PCDHGB5: variants seen among roughly 807,000 people sequenced by gnomAD.
PCDHGB5 encodes the protein protocadherin gamma subfamily B, 5.
PCDHGB5 carries 48 observed loss-of-function variants against 62.9 expected under a neutral mutation model. The observed-to-expected ratio is 0.76, with a 90% CI of 0.61 to 0.97. The LOEUF (loss-of-function observed/expected upper bound fraction) is 0.97, where lower values mean the gene tolerates loss of function less well. Among genes scored for constraint, PCDHGB5 ranks in the 50% least tolerant of loss-of-function variants. The pLI is 0.00. For missense variants in PCDHGB5, 1,118 were observed against 1,198.6 expected, an observed-to-expected ratio of 0.93 and a Z score of 0.99; for synonymous variants, 474 against 511.2, an observed-to-expected ratio of 0.93 and a Z score of 0.98.
rs141605264 is a variant in PCDHGB5, at chr5:141,479,755, A to C, written c.2398-15052A>C. The C allele has an allele frequency of 2.6e-3, 390 of 152,364 alleles. 2 individuals are homozygous for C. The highest frequency in any genetic ancestry group is 9.1e-3 in the African/African-American group (378 of 41,580). 9.4% of individuals were successfully genotyped at this position (152,364 alleles called of 1,614,324 possible). On this transcript the variant is annotated intron_variant, in intron 1 of 3. Coordinates refer to ENST00000617380, the MANE Select transcript of PCDHGB5 (RefSeq NM_018925.3). ...AGTATATGCACAATGTGAAAGGTAG[A>C]TAAATTCATATCCTTAGACAGGTAA...
intron 1 of PCDHGB5, among the ~76,000 whole-genome samples, chr5:141,444,225 G>A (rs1307884592): frequency 8.0e-6 from 1 of 125,604 alleles, no homozygotes; most frequent in African/African-American, 3.1e-5. Context: ...AGGCTGGAGT[G>A]CAATGGCATG....
chr5:141,481,913 C>CAAAAAAAAAAAAA (rs34114744), intron 1 of PCDHGB5, among the ~76,000 whole-genome samples: 1 of 90,852 alleles, frequency 1.1e-5, no homozygotes. Flanking sequence ...AACTCCATCT[C>CAAAAAAAAAAAAA]AAAAAAAAAA....
chr5:141,421,297 C>T (rs143092131), intron 1 of PCDHGB5: 106 of 1,613,512 alleles, frequency 6.6e-5, no homozygotes, highest in Non-Finnish European at 8.5e-5. Flanking sequence ...CCTGGGGACG[C>T]TGCGGGGGTT....
At chr5:141,425,173 T>A (rs182492696) in intron 1 of PCDHGB5, among the ~76,000 whole-genome samples, 5 of 152,284 alleles carry the variant, frequency 3.3e-5, no homozygotes, top group Admixed American at 3.3e-4. Context: ...GGATTTATAC[T>A]TGTGGAATTC....
Position 141,491,382 on chromosome 5 carries a change from G to T in PCDHGB5, c.2398-3425G>T, listed in dbSNP as rs918558. 0.21 allele frequency: 331,798 copies of T among 1,613,774 alleles called. 36,318 individuals are homozygous for T. The highest frequency in any genetic ancestry group is 0.37 in the Admixed American group (22,359 of 60,012). ...TAGTCACCTTCACCTTTCTGTCAGC[G>T]AAGTGCCTTCAGGGAAACGCAGACG... is the stretch of plus-strand genomic sequence containing the variant. On this transcript the variant is annotated intron_variant, in intron 1 of 3. Transcript: ENST00000617380. This position sits in a 1 kb window ranked among gnomAD's most constrained non-coding sequence, Gnocchi z 6.9.
At chr5:141,435,719 C>T (rs890713374) in intron 1 of PCDHGB5, among the ~76,000 whole-genome samples, 6 of 152,156 alleles carry the variant, frequency 3.9e-5, no homozygotes, top group Admixed American at 3.3e-4. Context: ...ACACTGAATG[C>T]TAAAGTGTAT....
chr5:141,486,552 A>C lies in PCDHGB5; in HGVS notation c.2398-8255A>C. The C allele has an allele frequency of 6.2e-7, 1 of 1,614,136 alleles. No individual in the cohort carries two copies. The highest frequency in any genetic ancestry group is 1.1e-5 in the South Asian group (1 of 91,082). On this transcript the variant is annotated intron_variant, in intron 1 of 3. Coordinates refer to ENST00000617380, the MANE Select transcript of PCDHGB5 (RefSeq NM_018925.3). This position sits in a 1 kb window ranked among gnomAD's most constrained non-coding sequence, Gnocchi z 5.0. The stretch of plus-strand genomic sequence containing the variant: ...CCACCCTCTTTCTTTCAGAGGTCAC[A>C]TGAGGTGTTTGTTCCTGAGAACAAT...
chr5:141,488,711 A>G (rs184498001), intron 1 of PCDHGB5, among the ~76,000 whole-genome samples: 100 of 152,290 alleles, frequency 6.6e-4, no homozygotes, highest in Non-Finnish European at 1.2e-3. Context: ...TGCTGGTTCA[A>G]GCAAAGTGGT....
In PCDHGB5 at chr5:141,398,686, G is replaced by A. The variant is rs2093688431; in HGVS notation, c.559G>A (p.Asp187Asn). The change falls in exon 1 of 4, where the codon GAT becomes AAT. Residue 187 changes from aspartate (D) to asparagine (N), a missense_variant. Asp to Asn is a conservative substitution (Grantham distance 23). Coordinates refer to ENST00000617380, the MANE Select transcript of PCDHGB5 (RefSeq NM_018925.3). The part of the protein sequence containing the change: ...SFSLIIKEKQ[D>N]GSKYPELALE... ...CTCATTAATAATTAAGGAGAAACAG[G>A]ATGGTAGTAAATACCCGGAACTGGC... 3 of 1,613,920 alleles carry A rather than the reference G, an allele frequency of 1.9e-6. No individual in the cohort carries two copies. The East Asian group carries it at 6.7e-5, about 36-fold the overall frequency.
chr5:141,504,561 T>G (rs1023434942), intron 2 of PCDHGB5, among the ~76,000 whole-genome samples: 1 of 150,052 alleles, frequency 6.7e-6, no homozygotes, highest in Non-Finnish European at 1.5e-5. Context: ...GGGACTGGCA[T>G]TCTAGGGAAC....
chr5:141,455,550 G>C lies in PCDHGB5; in HGVS notation c.2398-39257G>C, dbSNP rs1195359804. On this transcript the variant is annotated intron_variant, in intron 1 of 3. Transcript: ENST00000617380. ...ACCAGGCATATCATTCACGTAGCCC[G>C]AGAAAAAGCTGGCCCTCCCACCCCA... 2.0e-5 allele frequency among the ~76,000 whole-genome samples: 3 copies of C among 152,138 alleles called. No individual in the cohort carries two copies. In the South Asian group the frequency reaches 6.2e-4, roughly 32 times the overall value.
At chr5:141,414,135 A>G in intron 1 of PCDHGB5, 1 of 1,595,504 alleles carries the variant, frequency 6.3e-7, no homozygotes, top group Non-Finnish European at 8.5e-7. Context: ...GTTTCTATGA[A>G]ATAGAAATAC....
chr5:141,479,211 A>G (rs2099490342), intron 1 of PCDHGB5: 1 of 152,422 alleles, frequency 6.6e-6, no homozygotes, highest in African/African-American at 2.4e-5. Context: ...AAGTATTTAA[A>G]AAATTAAAAC....
At position 141,491,111 on chromosome 5, in the gene PCDHGB5, A is replaced by G; in HGVS notation, c.2398-3696A>G. 1 of 1,614,162 alleles carries G rather than the reference A, an allele frequency of 6.2e-7. No individual in the cohort carries two copies. Among genetic ancestry groups the G allele is most frequent in the Non-Finnish European group, 8.5e-7 (1 of 1,180,026 alleles). Reference sequence around the variant, plus strand: ...CCAGGACTGTTCCTCGTGTCTACACACACTGGTGAGGTGCGCACAGCCCGG... The same window carrying G: ...CCAGGACTGTTCCTCGTGTCTACACGCACTGGTGAGGTGCGCACAGCCCGG... On this transcript the variant is annotated intron_variant, in intron 1 of 3. Transcript: ENST00000617380. This position sits in a 1 kb window ranked among gnomAD's most constrained non-coding sequence, Gnocchi z 6.9.
chr5:141,488,656 G>A (rs2099678001), intron 1 of PCDHGB5, among the ~76,000 whole-genome samples: 1 of 152,200 alleles, frequency 6.6e-6, no homozygotes, highest in African/African-American at 2.4e-5. Flanking sequence ...ATGGGGGAGG[G>A]TGGGGGAATA....
intron 1 of PCDHGB5, chr5:141,442,491 T>G (rs1438583747): frequency 6.6e-6 from 1 of 152,236 alleles, no homozygotes; most frequent in Non-Finnish European, 1.5e-5. Flanking sequence ...AGGGGATGAT[T>G]GTGATTATTC....
rs1230185523 is a variant in PCDHGB5, at chr5:141,413,155, G to C, written c.2397+12631G>C. 10 of 1,576,552 alleles carry C rather than the reference G, an allele frequency of 6.3e-6. No individual in the cohort carries two copies. The South Asian group carries it at 1.2e-4, about 18-fold the overall frequency. ...CAACGTGTCCAGTGAGGACTTTGCA[G>C]AATTCTGTAACCAGACTACAATGGC... On this transcript the variant is annotated intron_variant, in intron 1 of 3. Coordinates refer to ENST00000617380, the MANE Select transcript of PCDHGB5 (RefSeq NM_018925.3).
intron 2 of PCDHGB5, among the ~76,000 whole-genome samples, chr5:141,497,016 C>G (rs1384415729): frequency 6.6e-6 from 1 of 152,056 alleles, no homozygotes; most frequent in East Asian, 1.9e-4. Context: ...TGGTGAAACC[C>G]CATCTCGATT....
At chr5:141,435,054 C>A (rs891988253) in intron 1 of PCDHGB5, among the ~76,000 whole-genome samples, 7 of 151,964 alleles carry the variant, frequency 4.6e-5, no homozygotes, top group Admixed American at 1.3e-4. Context: ...ATTGACCATG[C>A]AGCAGTTTTG....
Sources: gnomAD v4.1 joint callset for allele counts (sites outside exome capture counted in the v4.1 genomes callset) on GRCh38, gnomAD v4.1.1 for gene constraint, Gnocchi (gnomAD v3.1) non-coding constraint, MANE v1.5 for transcripts, NCBI Gene and HGNC (gene_info 2026-07-23, HGNC 2026-07-21) for gene names.